The following STAB2 variants were observed in gnomAD, a reference collection of about 807,000 sequenced individuals.
STAB2 encodes the protein stabilin 2.
STAB2 carries 288 observed loss-of-function variants against 338.1 expected under a neutral mutation model. The observed-to-expected ratio is 0.85, with a 90% CI of 0.77 to 0.94. STAB2 has a LOEUF of 0.94. Ranked by LOEUF, STAB2 falls within the 40% of genes least tolerant of loss-of-function variation. The pLI is 0.00. For synonymous variants in STAB2, 1,202 were observed against 1,193.3 expected (o/e 1.01, Z -0.15); for missense variants, 3,141 against 3,210.1 (o/e 0.98, Z 0.52).
rs757899381 is a variant in STAB2 at position 103,637,159 on chromosome 12, C to T, written c.632C>T (p.Ser211Leu). The T allele has an allele frequency of 9.9e-6, 16 of 1,612,628 alleles. No homozygotes were observed. Among genetic ancestry groups the T allele is most frequent in the Middle Eastern group, 1.6e-4 (1 of 6,080 alleles). The change falls in exon 7 of 69, where the codon TCG (serine) becomes TTG (leucine). Residue 211 changes from serine (S) to leucine (L), a missense_variant. Physicochemically the swap from Ser to Leu is moderately radical, Grantham distance 145. Transcript: ENST00000388887. ...ALLCPENSRC[S>L]PSTEDENKLE... ...CTCTGCCCAGAAAATTCCAGATGTT[C>T]GCCTTCCACTGAAGATGAAAACAAA... is the stretch of plus-strand genomic sequence containing the variant.
chr12:103,694,336 T>C (rs956170896), intron 31 of STAB2, among the ~76,000 whole-genome samples: 1 of 152,202 alleles, frequency 6.6e-6, no homozygotes, highest in Non-Finnish European at 1.5e-5. Context: ...CTCATAGCTC[T>C]TGAATCTGCC....
At chr12:103,654,725 A>C (rs1455115157) in intron 13 of STAB2, 27 bp downstream of exon 13, 1 of 1,607,618 alleles carries the variant, frequency 6.2e-7, no homozygotes. Flanking sequence ...AAGTCACATC[A>C]GGCCAGGTCC....
chr12:103,713,507 G>A, intron 41 of STAB2, 136 bp from the exon 42 acceptor site: 1 of 1,290,932 alleles, frequency 7.7e-7, no homozygotes, highest in Non-Finnish European at 1.1e-6. Context: ...CTCTGTTTTT[G>A]GGAATTGGCC....
intron 15 of STAB2, 92 bp downstream of exon 15, chr12:103,655,673 A>T: frequency 6.6e-7 from 1 of 1,518,988 alleles, no homozygotes; most frequent in Non-Finnish European, 8.9e-7. Context: ...GAGATAGTAA[A>T]TAAGTTGTAC....
At chr12:103,608,643 T>C (rs995832393) in intron 3 of STAB2, among the ~76,000 whole-genome samples, 5 of 152,212 alleles carry the variant, frequency 3.3e-5, no homozygotes, top group Non-Finnish European at 5.9e-5. Flanking sequence ...GGTTGCCTAT[T>C]CACTCTGACG....
intron 33 of STAB2, among the ~76,000 whole-genome samples, chr12:103,696,560 G>A (rs993741168): frequency 6.6e-6 from 1 of 152,194 alleles, no homozygotes; most frequent in African/African-American, 2.4e-5. Flanking sequence ...CCACAAAAGA[G>A]TTTTAAGTCA....
chr12:103,714,672 G>C (rs1203676225), intron 42 of STAB2, among the ~76,000 whole-genome samples: 1 of 148,210 alleles, frequency 6.7e-6, no homozygotes, highest in Non-Finnish European at 1.5e-5. Context: ...GGGCGATGGA[G>C]TGAGACTCCA....
intron 9 of STAB2, among the ~76,000 whole-genome samples, chr12:103,640,489 G>A (rs113247645): frequency 3.9e-5 from 6 of 152,152 alleles, no homozygotes; most frequent in Non-Finnish European, 7.4e-5. Context: ...ATATTGTTGT[G>A]GCCTGATAAC....
At chr12:103,591,140 C>T (rs1407944080) in intron 2 of STAB2, 110 bp downstream of exon 2, 29 of 1,442,038 alleles carry the variant, frequency 2.0e-5, no homozygotes, top group Non-Finnish European at 2.8e-5. Flanking sequence ...AGACAATAAG[C>T]CCAAACTTAG....
chr12:103,587,828 C>T (rs551408958), intron 1 of STAB2, among the ~76,000 whole-genome samples: 24 of 152,274 alleles, frequency 1.6e-4, no homozygotes, highest in Admixed American at 5.9e-4. Flanking sequence ...CAGCTGTTGG[C>T]GTCTTGTTTT....
intron 15 of STAB2, among the ~76,000 whole-genome samples, chr12:103,656,843 A>C (rs703630): frequency 0.79 from 116,190 of 147,500 alleles, 45,954 homozygotes; most frequent in Middle Eastern, 0.83. Context: ...CCCGCCACCG[A>C]GCCCGGCTAA....
chr12:103,637,552 T>C (rs1360263434), intron 7 of STAB2, among the ~76,000 whole-genome samples: 2 of 152,220 alleles, frequency 1.3e-5, no homozygotes, highest in Non-Finnish European at 2.9e-5. Context: ...GTTAAAAACA[T>C]GGACTCTCAA....
rs140108777 is a variant in STAB2, at chr12:103,692,842, G to A, written c.3328G>A (p.Asp1110Asn). ...NITIEGASIV[D>N]GDNAATNGVI... ...CACAATTGAAGGGGCCTCCATTGTCGATGGGGACAACGCAGCCACAAATGG... is the reference window on the plus strand; with the variant it reads ...CACAATTGAAGGGGCCTCCATTGTCAATGGGGACAACGCAGCCACAAATGG... Residue 1110 changes from aspartate (D) to asparagine (N), a missense_variant, in exon 31 of 69, where the codon GAT becomes AAT. Transcript: ENST00000388887. 2.0e-5 allele frequency: 32 copies of A among 1,613,546 alleles called. No homozygotes were observed. Among genetic ancestry groups the A allele is most frequent in the Admixed American group, 3.3e-5 (2 of 59,966 alleles).
intron 17 of STAB2, among the ~76,000 whole-genome samples, chr12:103,662,059 A>G (rs1246648822): frequency 6.6e-6 from 1 of 152,180 alleles, no homozygotes; most frequent in Non-Finnish European, 1.5e-5. Flanking sequence ...AATCTGGAGA[A>G]TACTGATGGT....
intron 5 of STAB2, among the ~76,000 whole-genome samples, chr12:103,627,500 T>C (rs182788796): frequency 9.3e-4 from 141 of 152,364 alleles, no homozygotes; most frequent in African/African-American, 3.3e-3. Flanking sequence ...TCTAGAGATT[T>C]GCTGAGACTG....
At chr12:103,608,344 G>A (rs982936192) in intron 3 of STAB2, among the ~76,000 whole-genome samples, 18 of 152,016 alleles carry the variant, frequency 1.2e-4, no homozygotes, top group East Asian at 5.8e-4. Flanking sequence ...GGGTTTCACC[G>A]TGTTAGCCAG....
rs139082297 is a variant in STAB2, at chr12:103,724,984, G to A, written c.4693G>A (p.Gly1565Ser). Reference protein sequence around the residue: ...LINVCLTKNGGCSEFAICNHT... With the variant: ...LINVCLTKNGSCSEFAICNHT... ...TTGGCAATTTTACCAGAAAAATGGC[G>A]GCTGTAGTGAATTTGCCATCTGCAA... Residue 1565 changes from glycine to serine, a missense_variant, in exon 45 of 69, where the codon GGC becomes AGC. By Grantham distance (56) the Gly-to-Ser change is moderately conservative (BLOSUM62 0). Coordinates refer to ENST00000388887, the MANE Select transcript of STAB2 (RefSeq NM_017564.10). 5.7e-5 allele frequency: 92 copies of A among 1,613,660 alleles called. No individual in the cohort carries two copies. Among genetic ancestry groups the A allele is most frequent in the South Asian group, 2.2e-4 (20 of 91,060 alleles).
In STAB2 at chr12:103,740,646, G is replaced by A. The variant is rs372110731; in HGVS notation, c.5771G>A (p.Cys1924Tyr). ...TTCCCTTAGGGTGTGAAGCAGAAGT[G>A]TCTCTACAACCTGCCCTTCAAGAGG... ...WSKPKGVKQK[C>Y]LYNLPFKRNL... The change falls in exon 55 of 69, where the codon TGT (cysteine) becomes TAT (tyrosine). Residue 1924 changes from cysteine (C) to tyrosine (Y), a missense_variant. By Grantham distance (194) the Cys-to-Tyr change is radical (BLOSUM62 -2). Coordinates refer to ENST00000388887, the MANE Select transcript of STAB2 (RefSeq NM_017564.10). The A allele has an allele frequency of 6.2e-7, 1 of 1,612,378 alleles. No individual in the cohort carries two copies. The highest frequency in any genetic ancestry group is 8.5e-7 in the Non-Finnish European group (1 of 1,179,348).
rs1374085391 is a variant in STAB2, at chr12:103,631,692, G to A, written c.582G>A (p.Lys194=). ...CGTACACTGGCCCCAAGTGTGACAAGCGTAAGTACTGCTAGTTCCCTTAAT... is the reference window on the plus strand; with the variant it reads ...CGTACACTGGCCCCAAGTGTGACAAACGTAAGTACTGCTAGTTCCCTTAAT... The part of the protein sequence containing the change: ...YSAYTGPKCD[K]PIPECAALLC... Residue 194 remains lysine (K), a splice_region_variant and synonymous_variant, in exon 6 of 69, where the codon AAG becomes AAA. Coordinates refer to ENST00000388887, the MANE Select transcript of STAB2 (RefSeq NM_017564.10). 6.2e-6 allele frequency: 10 copies of A among 1,614,120 alleles called. No homozygotes were observed. The highest frequency in any genetic ancestry group is 8.5e-6 in the Non-Finnish European group (10 of 1,179,950).
Sources: gnomAD v4.1 joint callset for allele counts (sites outside exome capture counted in the v4.1 genomes callset) on GRCh38, gnomAD v4.1.1 for gene constraint, MANE v1.5 for transcripts, NCBI Gene and HGNC (gene_info 2026-07-23, HGNC 2026-07-21) for gene names.